Variants in RNF213 observed in about 807,000 individuals in gnomAD.
RNF213 encodes E3 ubiquitin-protein ligase RNF213.
In RNF213, 341 loss-of-function variants were observed where a neutral mutation model predicts 514.4. The ratio of observed to expected loss-of-function variants is 0.66; its 90% CI spans 0.61 to 0.73. RNF213 has a LOEUF of 0.73. Ranked by LOEUF, RNF213 falls within the 30% of genes least tolerant of loss-of-function variation. RNF213 has a pLI of 0.00. For synonymous variants in RNF213, 2,655 were observed against 2,658.2 expected, an observed-to-expected ratio of 1.00 and a Z score of 0.04; for missense variants, 5,767 against 6,615.6, an observed-to-expected ratio of 0.87 and a Z score of 4.45.
chr17:80,365,369 G>C (rs1355749819), intron 42 of RNF213: 4 of 152,576 alleles, frequency 2.6e-5, no homozygotes, highest in Admixed American at 2.6e-4. Context: ...CCCAGGATGG[G>C]TATGAGCAGC....
intron 51 of RNF213, 41 bp from the exon 52 acceptor site, chr17:80,376,260 A>G (rs1219646866): frequency 3.1e-6 from 5 of 1,611,406 alleles, no homozygotes; most frequent in Non-Finnish European, 4.2e-6. Flanking sequence ...TTCACACAAT[A>G]TTCTTTGATA....
rs570728118 is a variant in RNF213 at position 80,377,144 on chromosome 17, G to A, written c.13510+181G>A. ...GGCTTGAAGGAGCTGGCACTCCGCCGGCTAGATGATCCAAACCATTTCATT... is the reference window on the plus strand; with the variant it reads ...GGCTTGAAGGAGCTGGCACTCCGCCAGCTAGATGATCCAAACCATTTCATT... On this transcript the variant is annotated intron_variant, in intron 53 of 67. Transcript: ENST00000582970. This position sits in a 1 kb window ranked among gnomAD's most constrained non-coding sequence, Gnocchi z 4.1. 27 of 633,492 alleles carry A rather than the reference G, an allele frequency of 4.3e-5. No homozygotes were observed. The highest frequency in any genetic ancestry group is 1.9e-4 in the East Asian group (7 of 35,936). 39.2% of individuals were successfully genotyped at this position (633,492 alleles called of 1,614,324 possible).
chr17:80,275,665 A>T (rs1014539261), intron 3 of RNF213, among the ~76,000 whole-genome samples: 2 of 151,634 alleles, frequency 1.3e-5, no homozygotes, highest in African/African-American at 4.8e-5. Flanking sequence ...TCTTTATTTT[A>T]TTTTATTTTT....
At chr17:80,286,593 C>A (rs1025581193) in intron 3 of RNF213, among the ~76,000 whole-genome samples, 1 of 152,050 alleles carries the variant, frequency 6.6e-6, no homozygotes, top group African/African-American at 2.4e-5. Flanking sequence ...CTTCCTCATC[C>A]CCTTGTTACC....
Position 80,353,965 on chromosome 17 carries a change from TTTGCCC to T in RNF213, c.10579-53_10579-48del. 3.7e-6 allele frequency: 6 copies of T among 1,611,908 alleles called. No homozygotes were observed. The highest frequency in any genetic ancestry group is 5.1e-6 in the Non-Finnish European group (6 of 1,179,214). On this transcript the variant is annotated intron_variant, in intron 34 of 67. Transcript: ENST00000582970. The surrounding 1 kb of genome is among the most constrained non-coding windows in gnomAD (Gnocchi z 5.0). ...CTCATCGCATACGGGCGGTTTGGCT[TTTGCCC>T]ACTGTGTCAGTGGCAGAAACGGATG...
In RNF213 at chr17:80,364,417, C is replaced by A. The variant is rs540012253; in HGVS notation, c.11751-16C>A. ...GGGAGCCGAGTGAGTGAGTGAGTGG[C>A]GCCCTCTTTTGACAGAGCCCAGTGG... On this transcript the variant is annotated splice_polypyrimidine_tract_variant and intron_variant, in intron 41 of 67. Transcript: ENST00000582970. 6.2e-7 allele frequency: 1 copy of A among 1,613,922 alleles called. No homozygotes were observed. Among genetic ancestry groups the A allele is most frequent in the Non-Finnish European group, 8.5e-7 (1 of 1,179,978 alleles).
intron 26 of RNF213, chr17:80,341,699 C>G (rs908582585): frequency 6.6e-6 from 1 of 152,188 alleles, no homozygotes; most frequent in East Asian, 1.9e-4. Flanking sequence ...AAATACGACA[C>G]TGCACTCCAG....
intron 11 of RNF213, among the ~76,000 whole-genome samples, chr17:80,299,810 C>T (rs72849844): frequency 0.092 from 14,056 of 152,092 alleles, 726 homozygotes; most frequent in Non-Finnish European, 0.096. Flanking sequence ...TGAGAACCTG[C>T]GGTATTTGGT....
chr17:80,379,514 G>A (rs1423892631), intron 54 of RNF213, 106 bp from the exon 55 acceptor site: 10 of 1,031,878 alleles, frequency 9.7e-6, no homozygotes, highest in East Asian at 7.1e-5. Context: ...CAATCTGAGG[G>A]TGCTCACGTC....
chr17:80,360,811 C>T (rs774700048), intron 38 of RNF213, among the ~76,000 whole-genome samples: 7 of 152,200 alleles, frequency 4.6e-5, no homozygotes, highest in Non-Finnish European at 5.9e-5. Flanking sequence ...GTCTTTTCCA[C>T]GTTTACTTAT....
Position 80,343,735 on chromosome 17 carries a change from G to A in RNF213, c.6184-122G>A. ...TTGGAGACATGGGCCGTTGTTGGCT[G>A]AAATGTTGATGTTGATCATCAGGAT... On this transcript the variant is annotated intron_variant, in intron 27 of 67. Transcript: ENST00000582970. This position sits in a 1 kb window ranked among gnomAD's most constrained non-coding sequence, Gnocchi z 4.3. 1 of 1,040,578 alleles carries A rather than the reference G, an allele frequency of 9.6e-7. No individual in the cohort carries two copies. The highest frequency in any genetic ancestry group is 1.5e-6 in the Non-Finnish European group (1 of 660,050). The allele number at this position is 1,040,578 out of a possible 1,614,324, so 64.5% of individuals were successfully genotyped here. A position where few individuals can be genotyped will look rare whatever the true frequency, so the allele number is the denominator to read the frequency against.
In RNF213 at chr17:80,393,590, T is replaced by C; in HGVS notation, c.*92T>C. The C allele has an allele frequency of 1.4e-6, 2 of 1,406,638 alleles. No homozygotes were observed. Among genetic ancestry groups the C allele is most frequent in the Non-Finnish European group, 2.0e-6 (2 of 1,007,148 alleles). The allele number at this position is 1,406,638 out of a possible 1,614,324, so 87.1% of individuals were successfully genotyped here. A position where few individuals can be genotyped will look rare whatever the true frequency, so the allele number is the denominator to read the frequency against. On this transcript the variant is annotated 3_prime_UTR_variant, in exon 68 of 68. Coordinates refer to ENST00000582970, the MANE Select transcript of RNF213 (RefSeq NM_001256071.3). ...GGACTTGATCATGGACTGGTGCCTT[T>C]GCATTCAGAAGGAGAGCTGTCAGCG...
chr17:80,391,084 A>G (rs949095324), intron 67 of RNF213, among the ~76,000 whole-genome samples: 14 of 152,344 alleles, frequency 9.2e-5, no homozygotes, highest in Non-Finnish European at 7.3e-5. Context: ...AAAAAAGAAT[A>G]GAAAAAGCTA....
intron 16 of RNF213, among the ~76,000 whole-genome samples, chr17:80,318,740 T>A (rs1307875131): frequency 6.6e-6 from 1 of 151,852 alleles, no homozygotes; most frequent in Non-Finnish European, 1.5e-5. Context: ...CGCCCAGCTA[T>A]ATTTTTGTAT....
At position 80,263,572 on chromosome 17, in the gene RNF213, A is replaced by G. The variant is rs2043500236; in HGVS notation, c.-108-2A>G. On this transcript the variant is annotated splice_acceptor_variant, in intron 1 of 67. Transcript: ENST00000582970. LOFTEE classifies it low-confidence loss of function (5UTR_SPLICE). This position sits in a 1 kb window ranked among gnomAD's most constrained non-coding sequence, Gnocchi z 4.9. ...TGGGCTGCTGTGATTTCACTTTCGC[A>G]GAAAATGAAACTGAAGCCGTGGTCA... The G allele has an allele frequency of 2.2e-6, 2 of 929,096 alleles. No homozygotes were observed. The highest frequency in any genetic ancestry group is 1.7e-5 in the Admixed American group (1 of 57,150). 57.6% of individuals were successfully genotyped at this position (929,096 alleles called of 1,614,324 possible).
At position 80,348,139 on chromosome 17, in the gene RNF213, C is replaced by G. The variant is rs1343982230; in HGVS notation, c.9804C>G (p.Val3268=). The change falls in exon 29 of 68, where the codon GTC becomes GTG. Residue 3268 remains valine, a synonymous_variant. Coordinates refer to ENST00000582970, the MANE Select transcript of RNF213 (RefSeq NM_001256071.3). ...LLNCATPDAV[V]RLSAYSLGGF... ...ACTGCGCTACGCCCGATGCCGTGGT[C>G]CGGCTGAGCGCCTACTCGCTGGGCG... 6.2e-7 allele frequency: 1 copy of G among 1,614,080 alleles called. No homozygotes were observed. The highest frequency in any genetic ancestry group is 2.2e-5 in the East Asian group (1 of 44,888).
chr17:80,273,194 ACT>A, intron 2 of RNF213, 45 bp from the exon 3 acceptor site: 1 of 1,610,238 alleles, frequency 6.2e-7, no homozygotes. Flanking sequence ...CCTTCCTAAC[ACT>A]CGCTTCTCTC....
In RNF213 at chr17:80,377,864, G is replaced by T. The variant is rs371640051; in HGVS notation, c.13545+68G>T. The T allele has an allele frequency of 2.6e-6, 4 of 1,566,574 alleles. No individual in the cohort carries two copies. The highest frequency in any genetic ancestry group is 3.3e-5 in the Admixed American group (2 of 59,954). ...ACTCCTGGGTTGGAGGAGGGGGATCGTGGGTCAGGAGAGTGAGGCTCTCGG... is the reference window on the plus strand; with the variant it reads ...ACTCCTGGGTTGGAGGAGGGGGATCTTGGGTCAGGAGAGTGAGGCTCTCGG... On this transcript the variant is annotated intron_variant, in intron 54 of 67. Coordinates refer to ENST00000582970, the MANE Select transcript of RNF213 (RefSeq NM_001256071.3). This position sits in a 1 kb window ranked among gnomAD's most constrained non-coding sequence, Gnocchi z 4.1.
At chr17:80,279,333 G>A (rs935519365) in intron 3 of RNF213, among the ~76,000 whole-genome samples, 10 of 152,186 alleles carry the variant, frequency 6.6e-5, no homozygotes, top group Non-Finnish European at 1.0e-4. Flanking sequence ...GTGGGGGCCC[G>A]ACCCAGCCTC....
Sources: gnomAD v4.1 joint callset for allele counts (sites outside exome capture counted in the v4.1 genomes callset) on GRCh38, gnomAD v4.1.1 for gene constraint, Gnocchi (gnomAD v3.1) non-coding constraint, MANE v1.5 for transcripts, NCBI Gene and HGNC (gene_info 2026-07-23, HGNC 2026-07-21) for gene names.